The following FREM1 variants were observed in gnomAD, a reference collection of about 807,000 sequenced individuals.
The protein encoded by FREM1 is FRAS1-related extracellular matrix protein 1.
A neutral mutation model predicts 210.1 loss-of-function variants in FREM1; 220 were observed. The observed-to-expected ratio is 1.05, with a 90% CI of 0.94 to 1.17. The LOEUF is 1.17. Ranked by LOEUF, FREM1 falls within the 50% of genes most tolerant of loss-of-function variation. The pLI is 0.00. For synonymous variants in FREM1, 1,189 were observed against 980.2 expected (o/e 1.21, Z -3.98); for missense variants, 3,454 against 2,675.5 (o/e 1.29, Z -6.42).
In FREM1 at chr9:14,836,082, T is replaced by G. The variant is rs188628186; in HGVS notation, c.1881+5365A>C. Among the ~76,000 whole-genome samples, 34 of 152,352 alleles carry G rather than the reference T, an allele frequency of 2.2e-4. No individual in the cohort carries two copies. In the East Asian group the frequency reaches 2.5e-3, roughly 11 times the overall value. ...AAAGTGAGTAAGGTGCCCATAACTC[T>G]GAGCTTTCTTTGTTTGGGAAAATAA... On this transcript the variant is annotated intron_variant, in intron 10 of 36. Coordinates refer to ENST00000380880, the MANE Select transcript of FREM1 (RefSeq NM_001379081.2). The surrounding 1 kb of genome is among the most constrained non-coding windows in gnomAD (Gnocchi z 4.9).
At chr9:14,764,968 A>G (rs952318106) in intron 27 of FREM1, among the ~76,000 whole-genome samples, 9 of 152,160 alleles carry the variant, frequency 5.9e-5, no homozygotes, top group African/African-American at 1.9e-4. Context: ...ATTATTACAA[A>G]ATGCAATAAT....
intron 21 of FREM1, among the ~76,000 whole-genome samples, chr9:14,794,497 C>G (rs997381925): frequency 6.6e-6 from 1 of 152,182 alleles, no homozygotes; most frequent in African/African-American, 2.4e-5. Context: ...AGGTGGGACA[C>G]TGACATGGCA....
At chr9:14,794,235 G>A (rs978424062) in intron 21 of FREM1, among the ~76,000 whole-genome samples, 1 of 152,130 alleles carries the variant, frequency 6.6e-6, no homozygotes, top group East Asian at 1.9e-4. Context: ...GGAGAGAAAG[G>A]GAAGGAGAAA....
Position 14,859,426 on chromosome 9 carries a change from G to C in FREM1, c.388C>G (p.Pro130Ala), listed in dbSNP as rs371516815. 3.1e-6 allele frequency: 5 copies of C among 1,613,840 alleles called. No homozygotes were observed. The highest frequency in any genetic ancestry group is 2.2e-5 in the East Asian group (1 of 44,882). Residue 130 changes from proline (P) to alanine (A), a missense_variant, in exon 4 of 37, where the codon CCA becomes GCA. Pro to Ala is a conservative substitution (Grantham distance 27). Transcript: ENST00000380880. ...CTCATATGGATGATGTTACAGTCTG[G>C]TTCCAGGAGATAGACCCACAGGATA... ...TFILWVYLLE[P>A]DCNIIHMSNN...
chr9:14,743,390 A>T (rs1025592456), intron 35 of FREM1, among the ~76,000 whole-genome samples: 8 of 152,066 alleles, frequency 5.3e-5, no homozygotes, highest in Non-Finnish European at 8.8e-5. Flanking sequence ...TGTCAACATG[A>T]GGGCATCGAC....
At chr9:14,774,485 G>A (rs182405484) in intron 25 of FREM1, among the ~76,000 whole-genome samples, 1 of 150,490 alleles carries the variant, frequency 6.6e-6, no homozygotes, top group Admixed American at 6.6e-5. Flanking sequence ...AATTGCATGA[G>A]CCAATGAGCC....
At chr9:14,882,912 C>CAAACAAAAA (rs1835049823) in intron 1 of FREM1, among the ~76,000 whole-genome samples, 1 of 45,418 alleles carries the variant, frequency 2.2e-5, no homozygotes, top group African/African-American at 9.3e-5. Flanking sequence ...GACTCCATCT[C>CAAACAAAAA]AAAAAAAAAA....
intron 23 of FREM1, among the ~76,000 whole-genome samples, chr9:14,788,375 A>G (rs139056907): frequency 6.2e-4 from 94 of 152,330 alleles, no homozygotes; most frequent in African/African-American, 2.1e-3. Flanking sequence ...CAAGAAGTTG[A>G]TCTTATAGTG....
In FREM1 at chr9:14,748,410, A is replaced by T. The variant is rs765945277; in HGVS notation, c.5787T>A (p.Asn1929Lys). The T allele has an allele frequency of 6.2e-7, 1 of 1,605,024 alleles. No individual in the cohort carries two copies. The highest frequency in any genetic ancestry group is 1.3e-5 in the African/African-American group (1 of 74,826). ...LSQRKLRTRG[N>K]GKTVRPSSVY... ...AGGTCCCCATCCTTACTGTTTTGCCATTCCCACGGGTCCTAAGCTTCCTTT... is the reference window on the plus strand; with the variant it reads ...AGGTCCCCATCCTTACTGTTTTGCCTTTCCCACGGGTCCTAAGCTTCCTTT... The change falls in exon 31 of 37, where the codon AAT becomes AAA. Residue 1929 changes from asparagine to lysine, a missense_variant. By Grantham distance (94) the Asn-to-Lys change is moderately conservative. Transcript: ENST00000380880.
intron 20 of FREM1, among the ~76,000 whole-genome samples, chr9:14,800,995 T>C (rs1817173643): frequency 6.6e-6 from 1 of 152,200 alleles, no homozygotes; most frequent in African/African-American, 2.4e-5. Flanking sequence ...TTTTGGTTTT[T>C]GTTTGTTTGT....
At chr9:14,863,378 T>C (rs1304274180) in intron 3 of FREM1, among the ~76,000 whole-genome samples, 1 of 151,744 alleles carries the variant, frequency 6.6e-6, no homozygotes, top group African/African-American at 2.4e-5. Flanking sequence ...ATATTTAATA[T>C]GTTTAAAAAT....
intron 19 of FREM1, among the ~76,000 whole-genome samples, chr9:14,802,970 C>T (rs1817573366): frequency 6.6e-6 from 1 of 151,682 alleles, no homozygotes. Context: ...GTGAAAACTT[C>T]CTTCCTTCCT....
intron 10 of FREM1, among the ~76,000 whole-genome samples, chr9:14,834,949 G>C (rs1212613215): frequency 2.0e-5 from 3 of 152,198 alleles, no homozygotes; most frequent in East Asian, 1.9e-4. Flanking sequence ...TTGTTGTCTT[G>C]CTTTGTTCCT....
chr9:14,766,815 T>A (rs1307417072), intron 27 of FREM1, among the ~76,000 whole-genome samples: 2 of 152,146 alleles, frequency 1.3e-5, no homozygotes. Context: ...CACCACAAAG[T>A]TCCACAGCGT....
In FREM1 at chr9:14,859,255, G is replaced by C; in HGVS notation, c.559C>G (p.Gln187Glu). ...TARTRLPAHG[Q>E]MVLGEPRPEE... ...GGTCGAGGCTCCCCGAGAACCATCT[G>C]GCCATGGGCTGGCAGCCGAGTTCTC... Residue 187 changes from glutamine to glutamate, a missense_variant, in exon 4 of 37, where the codon CAG (glutamine) becomes GAG (glutamate). Coordinates refer to ENST00000380880, the MANE Select transcript of FREM1 (RefSeq NM_001379081.2). The C allele has an allele frequency of 6.2e-7, 1 of 1,613,636 alleles. No homozygotes were observed. Among genetic ancestry groups the C allele is most frequent in the South Asian group, 1.1e-5 (1 of 91,038 alleles).
In FREM1 at chr9:14,737,371, T is replaced by C; in HGVS notation, c.*25A>G. The stretch of plus-strand genomic sequence containing the variant: ...GAATAAATAGGTGACAAACTCCAGG[T>C]GGCCCCCTGTAGGGTCTGTTATATT... On this transcript the variant is annotated 3_prime_UTR_variant, in exon 37 of 37. Transcript: ENST00000380880. 6.3e-7 allele frequency: 1 copy of C among 1,575,720 alleles called. No individual in the cohort carries two copies. Among genetic ancestry groups the C allele is most frequent in the Non-Finnish European group, 8.7e-7 (1 of 1,151,018 alleles).
rs377417995 is a variant in FREM1, at chr9:14,806,637, G to C, written c.3274+24C>G. Reference sequence around the variant, plus strand: ...CATAAATATAAGGAAGGGAGTCATTGCTGGTGACGAAGCTACAGCTTACCT... The same window carrying C: ...CATAAATATAAGGAAGGGAGTCATTCCTGGTGACGAAGCTACAGCTTACCT... On this transcript the variant is annotated intron_variant, in intron 18 of 36. Coordinates refer to ENST00000380880, the MANE Select transcript of FREM1 (RefSeq NM_001379081.2). 4 of 1,349,314 alleles carry C rather than the reference G, an allele frequency of 3.0e-6. No individual in the cohort carries two copies. In the African/African-American group the frequency reaches 4.3e-5, roughly 15 times the overall value. The allele number at this position is 1,349,314 out of a possible 1,614,324, so 83.6% of individuals were successfully genotyped here.
chr9:14,868,822 A>G lies in FREM1; in HGVS notation c.156T>C (p.Pro52=). 1.2e-6 allele frequency: 2 copies of G among 1,612,778 alleles called. No individual in the cohort carries two copies. The highest frequency in any genetic ancestry group is 1.7e-6 in the Non-Finnish European group (2 of 1,179,392). The change falls in exon 2 of 37, where the codon CCT becomes CCC. Residue 52 remains proline (P), a synonymous_variant. Coordinates refer to ENST00000380880, the MANE Select transcript of FREM1 (RefSeq NM_001379081.2). Reference sequence around the variant, plus strand: ...CCACTTTGCAGGCATCTTTCTCTTTAGGGATGGCAAACTTCAGGTCATCTC... The same window carrying G: ...CCACTTTGCAGGCATCTTTCTCTTTGGGGATGGCAAACTTCAGGTCATCTC... ...LSGDDLKFAI[P]KEKDACKVEV...
chr9:14,801,664 G>C lies in FREM1; in HGVS notation c.3682C>G (p.Leu1228Val), dbSNP rs1390486394. ...GAACATGCTATACCAGTCTTGAGGA[G>C]TTCCATGGAAAAGCTGTGAACAGGT... ...HAPVHSFSME[L>V]LKTGMRLTYM... Residue 1228 changes from leucine to valine, a missense_variant, in exon 20 of 37, where the codon CTC becomes GTC. Leu to Val is a conservative substitution (Grantham distance 32, BLOSUM62 1). Transcript: ENST00000380880. 1 of 1,609,664 alleles carries C rather than the reference G, an allele frequency of 6.2e-7. No individual in the cohort carries two copies. Among genetic ancestry groups the C allele is most frequent in the Admixed American group, 1.7e-5 (1 of 60,010 alleles).
Sources: allele counts gnomAD v4.1 joint callset (sites outside exome capture counted in the v4.1 genomes callset), GRCh38; gene constraint gnomAD v4.1.1; non-coding constraint Gnocchi (gnomAD v3.1); transcripts MANE v1.5; gene names NCBI Gene and HGNC (gene_info 2026-07-23, HGNC 2026-07-21).